ATP2C1: variants seen among roughly 807,000 people sequenced by gnomAD.
ATP2C1 encodes the protein ATPase secretory pathway Ca2+ transporting 1.
ATP2C1 carries 31 observed loss-of-function variants against 120.5 expected under a neutral mutation model. The observed-to-expected ratio is 0.26, with a 90% confidence interval of 0.19 to 0.35. The LOEUF is 0.35. Ranked by LOEUF, ATP2C1 falls within the 10% of genes least tolerant of loss-of-function variation. The pLI, the probability that ATP2C1 is intolerant of heterozygous loss-of-function variation, is 1.00. For missense variants in ATP2C1, 731 were observed against 1,107.5 expected, an observed-to-expected ratio of 0.66 and a Z score of 4.83; for synonymous variants, 351 against 358.7, an observed-to-expected ratio of 0.98 and a Z score of 0.24.
intron 1 of ATP2C1, among the ~76,000 whole-genome samples, chr3:130,866,471 T>C (rs942015437): frequency 1.3e-5 from 2 of 152,234 alleles, no homozygotes; most frequent in African/African-American, 4.8e-5. Flanking sequence ...ATCTAACTGG[T>C]GCTGCTAAAG....
At chr3:130,994,165 A>G (rs2062487574) in intron 22 of ATP2C1, 67 bp downstream of exon 22, 20 of 1,575,416 alleles carry the variant, frequency 1.3e-5, no homozygotes, top group Non-Finnish European at 1.7e-5. Context: ...CCCCACCCCT[A>G]GAGAATTCAA....
At chr3:130,867,562 G>A (rs1473889132) in intron 1 of ATP2C1, among the ~76,000 whole-genome samples, 3 of 149,472 alleles carry the variant, frequency 2.0e-5, no homozygotes, top group African/African-American at 2.5e-5. Flanking sequence ...GAGGTGCCGG[G>A]ATTGCAGACG....
rs781604274 is a variant in ATP2C1, at chr3:130,993,946, C to T, written c.1905C>T (p.Asn635=). 15 of 1,613,996 alleles carry T rather than the reference C, an allele frequency of 9.3e-6. No homozygotes were observed. Among genetic ancestry groups the T allele is most frequent in the Admixed American group, 3.3e-5 (2 of 60,000 alleles). Reference sequence around the variant, plus strand: ...CTCCACTCTAGTCGCTACAGAAGAACGGTTCAGTTGTAGCCATGACAGGAG... The same window carrying T: ...CTCCACTCTAGTCGCTACAGAAGAATGGTTCAGTTGTAGCCATGACAGGAG... ...KMKIIKSLQK[N]GSVVAMTGDG... Residue 635 remains asparagine (N), a synonymous_variant, in exon 22 of 28, where the codon AAC becomes AAT. Transcript: ENST00000510168.
At chr3:130,932,789 T>C (rs2059503285) in intron 4 of ATP2C1, among the ~76,000 whole-genome samples, 1 of 152,188 alleles carries the variant, frequency 6.6e-6, no homozygotes, top group African/African-American at 2.4e-5. Context: ...TAAAAACTTC[T>C]TTTTAGTAAA....
intron 17 of ATP2C1, among the ~76,000 whole-genome samples, chr3:130,970,407 C>CACACACACACACACA (rs1559991359): frequency 6.8e-6 from 1 of 146,090 alleles, no homozygotes; most frequent in African/African-American, 2.6e-5. Context: ...CACACACACA[C>CACACACACACACACA]CCTTAAACTT....
chr3:130,907,858 T>G (rs2058209593), intron 2 of ATP2C1, among the ~76,000 whole-genome samples: 1 of 151,964 alleles, frequency 6.6e-6, no homozygotes, highest in Admixed American at 6.6e-5. Context: ...CCTTGAATTG[T>G]CCTTTACTTT....
At chr3:130,883,945 C>CTTTTT (rs35365168) in intron 1 of ATP2C1, among the ~76,000 whole-genome samples, 17 of 122,414 alleles carry the variant, frequency 1.4e-4, no homozygotes, top group East Asian at 2.3e-4. Context: ...TTCTTTTCTT[C>CTTTTT]TTTTTTTTTT....
At chr3:130,854,183 T>C (rs1376237441) in intron 1 of ATP2C1, 1 of 152,232 alleles carries the variant, frequency 6.6e-6, no homozygotes, top group Non-Finnish European at 1.5e-5. Context: ...TTTGCTTCCC[T>C]AGATTCTCTT....
chr3:130,880,399 TC>T (rs1559879062), intron 1 of ATP2C1, among the ~76,000 whole-genome samples: 1 of 152,172 alleles, frequency 6.6e-6, no homozygotes, highest in Non-Finnish European at 1.5e-5. Flanking sequence ...TCCTCATTTT[TC>T]CAATTCGCCT....
intron 2 of ATP2C1, among the ~76,000 whole-genome samples, chr3:130,911,697 G>C (rs976220117): frequency 1.3e-5 from 2 of 152,048 alleles, no homozygotes; most frequent in Admixed American, 6.6e-5. Context: ...TACAGATTCA[G>C]TGCCATCCCC....
intron 1 of ATP2C1, among the ~76,000 whole-genome samples, chr3:130,852,358 G>C (rs1024160225): frequency 2.0e-5 from 3 of 151,998 alleles, no homozygotes; most frequent in Non-Finnish European, 2.9e-5. Flanking sequence ...TCTCAGTATT[G>C]TAAGTTTTCA....
chr3:130,860,369 G>A (rs1034276923), intron 1 of ATP2C1, among the ~76,000 whole-genome samples: 1 of 152,164 alleles, frequency 6.6e-6, no homozygotes, highest in East Asian at 1.9e-4. Context: ...GAAAAATGTT[G>A]GAATTATTTC....
At chr3:130,952,732 A>G (rs1156430589) in intron 8 of ATP2C1, among the ~76,000 whole-genome samples, 3 of 152,220 alleles carry the variant, frequency 2.0e-5, no homozygotes, top group South Asian at 4.1e-4. Flanking sequence ...ACTAATTCCT[A>G]GTTTCTTACA....
Position 130,997,675 on chromosome 3 carries a change from G to C in ATP2C1, c.2313G>C (p.Leu771Phe). 6.2e-7 allele frequency: 1 copy of C among 1,613,672 alleles called. No individual in the cohort carries two copies. Among genetic ancestry groups the C allele is most frequent in the South Asian group, 1.1e-5 (1 of 91,060 alleles). The change falls in exon 25 of 28, where the codon TTG (leucine) becomes TTC (phenylalanine). Residue 771 changes from leucine (L) to phenylalanine (F), a missense_variant. Physicochemically the swap from Leu to Phe is conservative, Grantham distance 22. This residue lies in a region of ATP2C1 where 141 missense variants were observed against 201.6 expected (regional missense o/e 0.70). Transcript: ENST00000510168. The part of the protein sequence containing the change: ...KPPRNWKDSI[L>F]TKNLILKILV... Reference sequence around the variant, plus strand: ...CTCGCAACTGGAAAGACAGCATTTTGACTAAAAACTTGATACTTAAAATAC... The same window carrying C: ...CTCGCAACTGGAAAGACAGCATTTTCACTAAAAACTTGATACTTAAAATAC...
intron 3 of ATP2C1, among the ~76,000 whole-genome samples, 171 bp from the exon 4 acceptor site, chr3:130,931,851 C>G (rs1559938559): frequency 6.6e-6 from 1 of 152,100 alleles, no homozygotes; most frequent in Non-Finnish European, 1.5e-5. Flanking sequence ...CCCTCCCTCT[C>G]TATGTGTCAC....
intron 20 of ATP2C1, among the ~76,000 whole-genome samples, chr3:130,981,356 A>G (rs558802654): frequency 2.6e-5 from 4 of 152,248 alleles, no homozygotes; most frequent in African/African-American, 4.8e-5. Context: ...ACATTTATCT[A>G]TGTTGGTTGT....
chr3:130,874,412 G>A (rs563555985), intron 1 of ATP2C1, among the ~76,000 whole-genome samples: 2 of 152,104 alleles, frequency 1.3e-5, no homozygotes, highest in Admixed American at 6.5e-5. Context: ...GATTAACATC[G>A]CCTTTAACAT....
At chr3:130,967,481 G>A in intron 16 of ATP2C1, 62 bp downstream of exon 16, 1 of 1,370,960 alleles carries the variant, frequency 7.3e-7, no homozygotes, top group Non-Finnish European at 1.0e-6. Flanking sequence ...AGAATGCAGT[G>A]TCATCAATTT....
At chr3:130,883,945 C>CTTTTTTTTTTTTTTT (rs35365168) in intron 1 of ATP2C1, among the ~76,000 whole-genome samples, 5 of 122,436 alleles carry the variant, frequency 4.1e-5, no homozygotes, top group Non-Finnish European at 6.7e-5. Context: ...TTCTTTTCTT[C>CTTTTTTTTTTTTTTT]TTTTTTTTTT....
Sources: allele counts gnomAD v4.1 joint callset (sites outside exome capture counted in the v4.1 genomes callset), GRCh38; gene constraint gnomAD v4.1.1; regional missense constraint gnomAD v4.1.1; transcripts MANE v1.5; gene names NCBI Gene and HGNC (gene_info 2026-07-23, HGNC 2026-07-21).